PTBP3: variants seen among roughly 807,000 people sequenced by gnomAD.
PTBP3 encodes polypyrimidine tract-binding protein 3.
Under a neutral mutation model 58.7 loss-of-function variants are expected in PTBP3, and 20 were observed. The ratio of observed to expected loss-of-function variants is 0.34; its 90% CI spans 0.24 to 0.50. The LOEUF (loss-of-function observed/expected upper bound fraction) is 0.50, where lower values mean the gene tolerates loss of function less well. Ranked by LOEUF, PTBP3 falls within the 20% of genes least tolerant of loss-of-function variation. The pLI, the probability that PTBP3 is intolerant of heterozygous loss-of-function variation, is 0.98. For synonymous variants in PTBP3, 185 were observed against 219.8 expected (o/e 0.84, Z 1.40); for missense variants, 509 against 637.2 (o/e 0.80, Z 2.17).
At chr9:112,324,845 T>C (rs1194139145) in intron 1 of PTBP3, among the ~76,000 whole-genome samples, 1 of 152,036 alleles carries the variant, frequency 6.6e-6, no homozygotes, top group African/African-American at 2.4e-5. Context: ...ACCCAGCGTG[T>C]TGTCAGTTTG....
intron 2 of PTBP3, among the ~76,000 whole-genome samples, chr9:112,291,684 ACT>A: frequency 6.6e-6 from 1 of 152,270 alleles, no homozygotes; most frequent in East Asian, 1.9e-4. Flanking sequence ...ATGAAATTGG[ACT>A]CTTACTTTAC....
chr9:112,303,873 A>C (rs73541772), intron 1 of PTBP3, among the ~76,000 whole-genome samples: 5,534 of 149,380 alleles, frequency 0.037, 201 homozygotes, highest in African/African-American at 0.1. Flanking sequence ...CAATCAATCA[A>C]TCAATACTAC....
At position 112,227,645 on chromosome 9, in the gene PTBP3, A is replaced by T; in HGVS notation, c.1148-18T>A. The T allele has an allele frequency of 6.3e-7, 1 of 1,598,118 alleles. No individual in the cohort carries two copies. The highest frequency in any genetic ancestry group is 8.6e-7 in the Non-Finnish European group (1 of 1,165,644). On this transcript the variant is annotated intron_variant, in intron 11 of 13. Coordinates refer to ENST00000374257, the MANE Select transcript of PTBP3 (RefSeq NM_001163788.4). ...GTTCATTGCTAGTGCATGGGAAGAA[A>T]ATTTTAAAGTTTGAGTATTAGGATA...
At position 112,221,022 on chromosome 9, in the gene PTBP3, T is replaced by C; in HGVS notation, c.*2829A>G. On this transcript the variant is annotated 3_prime_UTR_variant, in exon 14 of 14. Coordinates refer to ENST00000374257, the MANE Select transcript of PTBP3 (RefSeq NM_001163788.4). ...TTTTTAATCTTTTTTTTACAAAAAC[T>C]ATGCCAACACAAATACTGTAGACCT... 1 of 977,430 alleles carries C rather than the reference T, an allele frequency of 1.0e-6. No homozygotes were observed. The highest frequency in any genetic ancestry group is 1.2e-6 in the Non-Finnish European group (1 of 822,702). 60.5% of individuals were successfully genotyped at this position (977,430 alleles called of 1,614,324 possible).
At chr9:112,374,473 T>C in the PTBP3 span, among the ~76,000 whole-genome samples, 4 of 152,188 alleles carry the variant, frequency 2.6e-5, no homozygotes, top group South Asian at 2.1e-4. Flanking sequence ...AACAGTACCA[T>C]ATATTGAACA....
chr9:112,269,734 A>C (rs1827287610), intron 3 of PTBP3, among the ~76,000 whole-genome samples: 1 of 152,122 alleles, frequency 6.6e-6, no homozygotes, highest in Non-Finnish European at 1.5e-5. Context: ...TTTCAGAATA[A>C]AACTATTAAA....
chr9:112,235,424 G>A (rs1418196810), intron 7 of PTBP3, among the ~76,000 whole-genome samples: 1 of 152,140 alleles, frequency 6.6e-6, no homozygotes, highest in East Asian at 1.9e-4. Context: ...TAAAACCTGA[G>A]CCAGATATTA....
intron 1 of PTBP3, among the ~76,000 whole-genome samples, chr9:112,317,281 G>A (rs1413985312): frequency 6.6e-6 from 1 of 151,042 alleles, no homozygotes. Flanking sequence ...AATTAGTGAG[G>A]CACAATGGTA....
intron 7 of PTBP3, among the ~76,000 whole-genome samples, chr9:112,236,693 C>T (rs146570674): frequency 2.0e-5 from 3 of 152,262 alleles, no homozygotes; most frequent in African/African-American, 7.2e-5. Context: ...ATGCAGTTCA[C>T]ACTGGGCTTG....
chr9:112,314,719 T>C (rs567729915), intron 1 of PTBP3, among the ~76,000 whole-genome samples: 1 of 151,936 alleles, frequency 6.6e-6, no homozygotes, highest in East Asian at 1.9e-4. Context: ...CAAAAAGAAA[T>C]ACACAAATCT....
intron 1 of PTBP3, among the ~76,000 whole-genome samples, chr9:112,300,698 G>A (rs1270478289): frequency 9.9e-5 from 15 of 152,228 alleles, no homozygotes; most frequent in African/African-American, 3.6e-4. Context: ...ATTGCAGTGA[G>A]CCGAGATCAC....
chr9:112,365,419 G>C, the PTBP3 span, among the ~76,000 whole-genome samples: 2 of 151,906 alleles, frequency 1.3e-5, no homozygotes, highest in Non-Finnish European at 2.9e-5. Context: ...AAAAATGGGA[G>C]TTTCCTTGCA....
At chr9:112,297,619 T>C (rs1298544523) in intron 2 of PTBP3, among the ~76,000 whole-genome samples, 1 of 152,192 alleles carries the variant, frequency 6.6e-6, no homozygotes, top group East Asian at 1.9e-4. Context: ...AAAAACTGAA[T>C]CATCAAATTA....
the PTBP3 span, among the ~76,000 whole-genome samples, chr9:112,339,805 A>G: frequency 6.6e-6 from 1 of 152,018 alleles, no homozygotes; most frequent in African/African-American, 2.4e-5. Flanking sequence ...TTATCAGGTG[A>G]TCTGCCCGCC....
At chr9:112,231,707 G>A (rs1180724151) in intron 9 of PTBP3, among the ~76,000 whole-genome samples, 3 of 151,212 alleles carry the variant, frequency 2.0e-5, no homozygotes, top group African/African-American at 7.3e-5. Context: ...CTTGAGACCA[G>A]CCTGGGCAAC....
chr9:112,223,552 T>C lies in PTBP3; in HGVS notation c.*299A>G. On this transcript the variant is annotated 3_prime_UTR_variant, in exon 14 of 14. Transcript: ENST00000374257. ...CCAAACTAAAACAACGTTAATCCTC[T>C]TCAAATCTAATTTAATATAGGGAAT... 9.9e-7 allele frequency: 1 copy of C among 1,005,546 alleles called. No individual in the cohort carries two copies. Among genetic ancestry groups the C allele is most frequent in the South Asian group, 3.1e-5 (1 of 32,352 alleles). The allele number at this position is 1,005,546 out of a possible 1,614,324, so 62.3% of individuals were successfully genotyped here.
At chr9:112,259,681 T>C (rs996960087) in intron 5 of PTBP3, among the ~76,000 whole-genome samples, 1 of 152,196 alleles carries the variant, frequency 6.6e-6, no homozygotes, top group South Asian at 2.1e-4. Context: ...TAAAGGAACA[T>C]TAGTTTCTAT....
Position 112,268,090 on chromosome 9 carries a change from T to C in PTBP3, c.310A>G (p.Asn104Asp). The C allele has an allele frequency of 6.2e-7, 1 of 1,613,630 alleles. No individual in the cohort carries two copies. The highest frequency in any genetic ancestry group is 8.5e-7 in the Non-Finnish European group (1 of 1,179,726). Residue 104 changes from asparagine to aspartate, a missense_variant, in exon 4 of 14, where the codon AAT (asparagine) becomes GAT (aspartate). By Grantham distance (23) the Asn-to-Asp change is conservative (BLOSUM62 1). Around this residue, in one of 4 missense-constraint regions of PTBP3, gnomAD observed 212 missense variants for 215.3 expected, o/e 0.98. Transcript: ENST00000374257. ...RSQPVYIQYSNHRELKTDNLP... is the reference protein window; with the variant it reads ...RSQPVYIQYSDHRELKTDNLP... ...TTGTCAGTCTTAAGTTCTCTGTGAT[T>C]GGAATACTGAATATAAACAGGCTGG...
chr9:112,350,850 G>C, the PTBP3 span, among the ~76,000 whole-genome samples: 1 of 152,090 alleles, frequency 6.6e-6, no homozygotes, highest in Non-Finnish European at 1.5e-5. Flanking sequence ...CCAGGCTGGA[G>C]TGCAGTGGCA....
Sources: allele counts gnomAD v4.1 joint callset (sites outside exome capture counted in the v4.1 genomes callset), GRCh38; gene constraint gnomAD v4.1.1; regional missense constraint gnomAD v4.1.1; transcripts MANE v1.5; gene names NCBI Gene and HGNC (gene_info 2026-07-23, HGNC 2026-07-21).